The following GPAT3 variants were observed in gnomAD, a reference collection of about 807,000 sequenced individuals.
GPAT3 encodes the protein 1-AGP acyltransferase 9.
GPAT3 carries 53 observed loss-of-function variants against 58.8 expected under a neutral mutation model. That is an observed-to-expected ratio of 0.90 (90% CI 0.72 to 1.13). GPAT3 has a LOEUF of 1.13. Ranked by LOEUF, GPAT3 falls within the 50% of genes most tolerant of loss-of-function variation. The pLI, the probability that GPAT3 is intolerant of heterozygous loss-of-function variation, is 0.00. For missense variants in GPAT3, 511 were observed against 527.6 expected (o/e 0.97, Z 0.31); for synonymous variants, 197 against 187.4 (o/e 1.05, Z -0.42).
chr4:83,593,449 AACC>A (rs147251417), intron 6 of GPAT3, among the ~76,000 whole-genome samples: 3,621 of 152,190 alleles, frequency 0.024, 143 homozygotes, highest in African/African-American at 0.083. Context: ...TACAGGTGTG[AACC>A]ACCACATCTG....
At position 83,581,659 on chromosome 4, in the gene GPAT3, G is replaced by A; in HGVS notation, c.306G>A (p.Lys102=). ...CTGACGTGTTTTATTTCTCCAAGAA[G>A]GGATTGGAAGCCATTGTAGAAGATG... ...ELSDVFYFSK[K]GLEAIVEDEV... is the part of the protein sequence containing the mutation. The change falls in exon 3 of 12, where the codon AAG becomes AAA. Residue 102 remains lysine, a synonymous_variant. Coordinates refer to ENST00000264409, the MANE Select transcript of GPAT3 (RefSeq NM_032717.5). 6.2e-7 allele frequency: 1 copy of A among 1,614,196 alleles called. No individual in the cohort carries two copies. The highest frequency in any genetic ancestry group is 8.5e-7 in the Non-Finnish European group (1 of 1,180,026).
At chr4:83,545,473 T>C (rs1289266436) in intron 2 of GPAT3, among the ~76,000 whole-genome samples, 1 of 151,442 alleles carries the variant, frequency 6.6e-6, no homozygotes, top group African/African-American at 2.4e-5. Flanking sequence ...AACTATCAAA[T>C]ACTTTACTGG....
intron 2 of GPAT3, among the ~76,000 whole-genome samples, chr4:83,564,196 A>G (rs1436515388): frequency 6.6e-6 from 1 of 152,318 alleles, no homozygotes; most frequent in East Asian, 1.9e-4. Flanking sequence ...TTGTAAATAT[A>G]TGTCTAACTT....
At chr4:83,551,062 A>G (rs1724731178) in intron 2 of GPAT3, among the ~76,000 whole-genome samples, 1 of 152,230 alleles carries the variant, frequency 6.6e-6, no homozygotes, top group Non-Finnish European at 1.5e-5. Context: ...AAATTACACG[A>G]CAACCCAACA....
chr4:83,551,813 A>AAAATCTATCTATCTATGTATCT (rs768726930), intron 2 of GPAT3, among the ~76,000 whole-genome samples: 16 of 102,420 alleles, frequency 1.6e-4, no homozygotes. Flanking sequence ...AAAAAAAAAA[A>AAAATCTATCTATCTATGTATCT]ATCTATCTAT....
At chr4:83,572,883 T>A (rs1433000591) in intron 2 of GPAT3, among the ~76,000 whole-genome samples, 1 of 152,188 alleles carries the variant, frequency 6.6e-6, no homozygotes, top group Non-Finnish European at 1.5e-5. Context: ...GCTTAGGGAA[T>A]GGTTTGGATT....
chr4:83,602,914 C>A (rs992347532), intron 11 of GPAT3, among the ~76,000 whole-genome samples: 2 of 152,198 alleles, frequency 1.3e-5, no homozygotes, highest in Non-Finnish European at 2.9e-5. Flanking sequence ...AAACCTCCCA[C>A]AACTGACCCA....
chr4:83,604,642 T>C (rs1368929251), intron 11 of GPAT3, 26 bp from the exon 12 acceptor site: 3 of 1,576,172 alleles, frequency 1.9e-6, no homozygotes, highest in Non-Finnish European at 2.6e-6. Context: ...AAAGTATCTT[T>C]TATGTATTTG....
intron 2 of GPAT3, among the ~76,000 whole-genome samples, chr4:83,580,188 A>G (rs1016913635): frequency 4.6e-5 from 7 of 152,208 alleles, no homozygotes; most frequent in Non-Finnish European, 7.3e-5. Context: ...ATAAAAATTT[A>G]TGCTGCTTTA....
intron 2 of GPAT3, among the ~76,000 whole-genome samples, chr4:83,566,876 A>G (rs1725415039): frequency 6.7e-6 from 1 of 148,958 alleles, no homozygotes; most frequent in African/African-American, 2.5e-5. Flanking sequence ...GGTATTGCAC[A>G]TTTCCTCTTA....
At chr4:83,579,049 T>TC (rs1491180251) in intron 2 of GPAT3, among the ~76,000 whole-genome samples, 2 of 40,550 alleles carry the variant, frequency 4.9e-5, no homozygotes, top group African/African-American at 1.1e-4. Flanking sequence ...TTTCTTTCTT[T>TC]CTTTCTTTCT....
At chr4:83,537,739 AGCCCCAC>A (rs950548724) in intron 1 of GPAT3, among the ~76,000 whole-genome samples, 3 of 151,762 alleles carry the variant, frequency 2.0e-5, no homozygotes, top group African/African-American at 7.3e-5. Context: ...TAAAGGTGTG[AGCCCCAC>A]GCCTGGCCAG....
chr4:83,564,505 C>A (rs952799798), intron 2 of GPAT3, among the ~76,000 whole-genome samples: 5 of 152,028 alleles, frequency 3.3e-5, no homozygotes, highest in African/African-American at 9.7e-5. Context: ...TCAAGACCAG[C>A]CTGGACAACA....
intron 11 of GPAT3, among the ~76,000 whole-genome samples, chr4:83,601,930 A>T (rs1473853702): frequency 1.3e-5 from 2 of 152,232 alleles, no homozygotes; most frequent in African/African-American, 4.8e-5. Context: ...AACAAGGTGT[A>T]TGACTTGAGT....
chr4:83,536,593 C>T lies in GPAT3; in HGVS notation c.-30C>T. 6.2e-7 allele frequency: 1 copy of T among 1,604,704 alleles called. No individual in the cohort carries two copies. The stretch of plus-strand genomic sequence containing the variant: ...TGCTGTGGCGCTCGGCCCTCCACTG[C>T]GGACCTCTCCTGAGTGGGTGCGCCG... On this transcript the variant is annotated 5_prime_UTR_variant, in exon 1 of 12. Transcript: ENST00000264409.
intron 2 of GPAT3, among the ~76,000 whole-genome samples, chr4:83,577,284 C>A (rs1487886490): frequency 6.6e-6 from 1 of 151,766 alleles, no homozygotes; most frequent in East Asian, 1.9e-4. Context: ...AAGGTGCAAT[C>A]CTGGACCAGA....
At chr4:83,574,961 C>T (rs1399453909) in intron 2 of GPAT3, among the ~76,000 whole-genome samples, 3 of 149,772 alleles carry the variant, frequency 2.0e-5, no homozygotes, top group East Asian at 2.0e-4. Context: ...CTGCAGGCTC[C>T]GCCCCCTGGG....
rs1456699138 is a variant in GPAT3, at chr4:83,536,182, G to A, written c.-441G>A. 1 of 986,558 alleles carries A rather than the reference G, an allele frequency of 1.0e-6. No homozygotes were observed. Among genetic ancestry groups the A allele is most frequent in the Non-Finnish European group, 1.2e-6 (1 of 830,784 alleles). The allele number at this position is 986,558 out of a possible 1,614,324, so 61.1% of individuals were successfully genotyped here. A position where few individuals can be genotyped will look rare whatever the true frequency, so the allele number is the denominator to read the frequency against. On this transcript the variant is annotated 5_prime_UTR_variant, in exon 1 of 12. Transcript: ENST00000264409. ...GTGCCAAAGTGCGGTGCTCCCGCAG[G>A]GAACCTGGCTCGGGGAGGGCCTCCG...
intron 2 of GPAT3, among the ~76,000 whole-genome samples, chr4:83,570,315 A>G (rs953816796): frequency 2.6e-5 from 4 of 152,198 alleles, no homozygotes; most frequent in African/African-American, 9.7e-5. Context: ...ACAAAAGTGT[A>G]GGTGTCAAGG....
Sources: gnomAD v4.1 joint callset for allele counts (sites outside exome capture counted in the v4.1 genomes callset) on GRCh38, gnomAD v4.1.1 for gene constraint, MANE v1.5 for transcripts, NCBI Gene and HGNC (gene_info 2026-07-23, HGNC 2026-07-21) for gene names.